ANKDD1A: variants seen among roughly 807,000 people sequenced by gnomAD.
ANKDD1A encodes ankyrin repeat and death domain containing 1A, also known as ankyrin repeat and death domain-containing protein 1A.
A neutral mutation model predicts 63.5 loss-of-function variants in ANKDD1A; 59 were observed. The ratio of observed to expected loss-of-function variants is 0.93; its 90% confidence interval spans 0.75 to 1.15. The LOEUF (loss-of-function observed/expected upper bound fraction) is 1.15. Ranked by LOEUF, ANKDD1A falls within the 50% of genes most tolerant of loss-of-function variation. The pLI, the probability that ANKDD1A is intolerant of heterozygous loss-of-function variation, is 0.00. For missense variants in ANKDD1A, 632 were observed against 656.4 expected (o/e 0.96, Z 0.41); for synonymous variants, 266 against 263.9 (o/e 1.01, Z -0.08).
chr15:64,911,997 C>A, intron 1 of ANKDD1A, 33 bp downstream of exon 1: 1 of 1,240,048 alleles, frequency 8.1e-7, no homozygotes, highest in Non-Finnish European at 1.0e-6. Context: ...GGGGGGCGGG[C>A]CGAGGCCGAG....
At chr15:64,953,401 TTTC>T (rs1429115757) in intron 14 of ANKDD1A, among the ~76,000 whole-genome samples, 6 of 127,476 alleles carry the variant, frequency 4.7e-5, no homozygotes, top group African/African-American at 1.6e-4. Context: ...TAGTTCTCCT[TTTC>T]TTCTCCTCCT....
intron 14 of ANKDD1A, among the ~76,000 whole-genome samples, chr15:64,952,648 T>TCTTTCTTCCTTCTCCTC (rs587634921): frequency 1.5e-4 from 21 of 141,886 alleles, no homozygotes; most frequent in African/African-American, 4.2e-4. Flanking sequence ...TTCTTCTCCT[T>TCTTTCTTCCTTCTCCTC]CTCCTTCTTC....
intron 12 of ANKDD1A, among the ~76,000 whole-genome samples, chr15:64,945,023 A>G (rs1250068486): frequency 6.6e-6 from 1 of 152,244 alleles, no homozygotes; most frequent in Admixed American, 6.5e-5. Flanking sequence ...GCATGCGTGC[A>G]TGAATGCATA....
chr15:64,935,896 G>T (rs950402359), intron 9 of ANKDD1A, among the ~76,000 whole-genome samples: 1 of 152,032 alleles, frequency 6.6e-6, no homozygotes, highest in Non-Finnish European at 1.5e-5. Context: ...TTTCTAGAAG[G>T]CAAGTTGACA....
intron 14 of ANKDD1A, among the ~76,000 whole-genome samples, chr15:64,953,340 T>C (rs1386865341): frequency 6.6e-6 from 1 of 150,844 alleles, no homozygotes; most frequent in East Asian, 1.9e-4. Flanking sequence ...TTATTCTTCC[T>C]CTCCTTCTTC....
At chr15:64,915,282 G>A (rs1275311639) in intron 1 of ANKDD1A, among the ~76,000 whole-genome samples, 1 of 152,204 alleles carries the variant, frequency 6.6e-6, no homozygotes, top group Non-Finnish European at 1.5e-5. Context: ...TCCAGCCTGG[G>A]CAACAGAGGG....
rs776351063 is a variant in ANKDD1A, at chr15:64,944,751, C to T, written c.1161+4C>T. On this transcript the variant is annotated splice_donor_region_variant and intron_variant, in intron 12 of 14. Transcript: ENST00000319580. ...TCGTTTCTACAGATGGGAGAAGGTA[C>T]GGAGGCCTCACGCTTGATCTTTCCT... 5.1e-5 allele frequency: 82 copies of T among 1,613,332 alleles called. No homozygotes were observed. The highest frequency in any genetic ancestry group is 1.7e-4 in the Middle Eastern group (1 of 6,060).
At chr15:64,915,699 T>C (rs2140363535) in intron 1 of ANKDD1A, 98 bp from the exon 2 acceptor site, 1 of 1,030,622 alleles carries the variant, frequency 9.7e-7, no homozygotes, top group Non-Finnish European at 1.5e-6. Flanking sequence ...AGACCCCTGC[T>C]CCAGAAATGT....
intron 14 of ANKDD1A, among the ~76,000 whole-genome samples, chr15:64,953,531 CT>C (rs1249028477): frequency 0.02 from 2,490 of 127,246 alleles, 55 homozygotes; most frequent in Admixed American, 0.026. Flanking sequence ...CTTCCTTCTT[CT>C]CCTCTCCTTC....
At chr15:64,924,005 C>T (rs768698351) in intron 4 of ANKDD1A, among the ~76,000 whole-genome samples, 7 of 152,204 alleles carry the variant, frequency 4.6e-5, no homozygotes, top group African/African-American at 1.2e-4. Context: ...AAAATTTAAA[C>T]GTAATGAATC....
chr15:64,922,070 T>G, intron 4 of ANKDD1A, 51 bp downstream of exon 4: 2 of 1,555,042 alleles, frequency 1.3e-6, no homozygotes, highest in Non-Finnish European at 1.8e-6. Flanking sequence ...CTGGCCTGGA[T>G]GCACAGGTCT....
chr15:64,934,177 G>A lies in ANKDD1A; in HGVS notation c.810G>A (p.Ser270=), dbSNP rs141471183. The part of the protein sequence containing the change: ...SCLHYAALSG[S]EDVSRVLIHA... ...TTCACTATGCAGCCCTCAGTGGCTC[G>A]GAGGATGTGTCTCGGGTCCTCATCC... Residue 270 remains serine (S), a synonymous_variant, in exon 9 of 15, where the codon TCG becomes TCA. Coordinates refer to ENST00000319580, the MANE Select transcript of ANKDD1A (RefSeq NM_182703.6). 329 of 1,612,336 alleles carry A rather than the reference G, an allele frequency of 2.0e-4. No individual in the cohort carries two copies. Among genetic ancestry groups the A allele is most frequent in the Middle Eastern group, 6.6e-4 (4 of 6,062 alleles).
intron 6 of ANKDD1A, among the ~76,000 whole-genome samples, chr15:64,930,249 A>G (rs2085078576): frequency 8.5e-6 from 1 of 117,148 alleles, no homozygotes; most frequent in Non-Finnish European, 1.9e-5. Flanking sequence ...CCCAGAACTT[A>G]AAGTAAAATT....
chr15:64,920,250 G>A (rs967897874), intron 3 of ANKDD1A, among the ~76,000 whole-genome samples: 1 of 152,164 alleles, frequency 6.6e-6, no homozygotes, highest in Non-Finnish European at 1.5e-5. Context: ...GGGAGGTGGG[G>A]GAAGTGCAGA....
At chr15:64,940,525 C>T (rs2085174207) in intron 9 of ANKDD1A, among the ~76,000 whole-genome samples, 1 of 151,724 alleles carries the variant, frequency 6.6e-6, no homozygotes, top group Admixed American at 6.6e-5. Context: ...CTCCGCCTTC[C>T]AGGTTCACGC....
intron 6 of ANKDD1A, 58 bp downstream of exon 6, chr15:64,927,057 A>G (rs2085050966): frequency 1.9e-6 from 3 of 1,576,796 alleles, no homozygotes. Context: ...GCCACCTTCC[A>G]GGCTCTGGCT....
chr15:64,917,244 C>T lies in ANKDD1A; in HGVS notation c.139-142C>T, dbSNP rs1251526466. ...GAGAGGAGCATGTGGCAGAATGGGGCTGGGTCCCCAGCTAGCTGGGGACCA... is the reference window on the plus strand; with the variant it reads ...GAGAGGAGCATGTGGCAGAATGGGGTTGGGTCCCCAGCTAGCTGGGGACCA... On this transcript the variant is annotated intron_variant, in intron 2 of 14. Coordinates refer to ENST00000319580, the MANE Select transcript of ANKDD1A (RefSeq NM_182703.6). 3.7e-6 allele frequency: 4 copies of T among 1,095,470 alleles called. No individual in the cohort carries two copies. In the African/African-American group the frequency reaches 6.3e-5, roughly 17 times the overall value. The allele number at this position is 1,095,470 out of a possible 1,614,324, so 67.9% of individuals were successfully genotyped here.
chr15:64,957,322 TAA>T lies in ANKDD1A; in HGVS notation c.*135_*136del. Reference sequence around the variant, plus strand: ...TTATTCCTTTTTCCACCTTAAATAATAAGAGTAGAATACTTTCTGTGTTTTTA... The same window carrying T: ...TTATTCCTTTTTCCACCTTAAATAATGAGTAGAATACTTTCTGTGTTTTTA... On this transcript the variant is annotated 3_prime_UTR_variant, in exon 15 of 15. Transcript: ENST00000319580. 3.6e-6 allele frequency: 1 copy of T among 279,604 alleles called. No homozygotes were observed. Among genetic ancestry groups the T allele is most frequent in the South Asian group, 2.9e-5 (1 of 34,764 alleles). 17.3% of individuals were successfully genotyped at this position (279,604 alleles called of 1,614,324 possible).
chr15:64,951,471 CT>C (rs1555366905), intron 14 of ANKDD1A: 44 of 20,080 alleles, frequency 2.2e-3, no homozygotes, highest in South Asian at 6.4e-3. Flanking sequence ...TCTCTTTTTT[CT>C]TTTCTTCTTC....
Sources: gnomAD v4.1 joint callset for allele counts (sites outside exome capture counted in the v4.1 genomes callset) on GRCh38, gnomAD v4.1.1 for gene constraint, MANE v1.5 for transcripts, NCBI Gene and HGNC (gene_info 2026-07-23, HGNC 2026-07-21) for gene names.